Variants in WDR35 observed in about 807,000 individuals in gnomAD.
WDR35 encodes the protein WD repeat domain 35.
In WDR35, 118 loss-of-function variants were observed where a neutral mutation model predicts 158.3. That is an observed-to-expected ratio of 0.75 (90% confidence interval 0.64 to 0.87). WDR35 has a LOEUF of 0.87. WDR35 is among the 40% of genes least tolerant of loss of function. The probability of loss-of-function intolerance (pLI) is 0.00; values close to 1 mark genes in which losing one functional copy is unlikely to be tolerated. For missense variants in WDR35, 1,263 were observed against 1,405.8 expected, an observed-to-expected ratio of 0.90 and a Z score of 1.62; for synonymous variants, 448 against 476.1, an observed-to-expected ratio of 0.94 and a Z score of 0.77.
chr2:19,930,104 C>A (rs962966314), intron 25 of WDR35, among the ~76,000 whole-genome samples: 1 of 150,290 alleles, frequency 6.7e-6, no homozygotes, highest in Non-Finnish European at 1.5e-5. Flanking sequence ...ATATTTTTCT[C>A]CAAAAAATAT....
Position 19,912,837 on chromosome 2 carries a change from C to A in WDR35, c.*721G>T, listed in dbSNP as rs904739403. 4 of 152,170 alleles carry A rather than the reference C, an allele frequency of 2.6e-5. No homozygotes were observed. The highest frequency in any genetic ancestry group is 1.3e-4 in the Admixed American group (2 of 15,272). 9.4% of individuals were successfully genotyped at this position (152,170 alleles called of 1,614,324 possible). A position where few individuals can be genotyped will look rare whatever the true frequency, so the allele number is the denominator to read the frequency against. On this transcript the variant is annotated 3_prime_UTR_variant, in exon 27 of 27. Transcript: ENST00000281405. ...GTCCAACTTAGTGACAATGTTTCAA[C>A]AGAAGCTATAACTACAAAATGGATA...
In WDR35 at chr2:19,935,545, A is replaced by T; in HGVS notation, c.2473T>A (p.Tyr825Asn). The change falls in exon 21 of 27, where the codon TAC becomes AAC. Residue 825 changes from tyrosine (Y) to asparagine (N), a missense_variant. Physicochemically the swap from Tyr to Asn is moderately radical, Grantham distance 143. Coordinates refer to ENST00000281405, the MANE Select transcript of WDR35 (RefSeq NM_020779.4). ...CCTTCATAATCCTCTAACATATAGT[A>T]ACATTCAGCTAAGCGTTCCTGGTTC... ...GRNQERLAEC[Y>N]YMLEDYEGLE... The T allele has an allele frequency of 6.2e-7, 1 of 1,613,302 alleles. No homozygotes were observed. Among genetic ancestry groups the T allele is most frequent in the Non-Finnish European group, 8.5e-7 (1 of 1,179,630 alleles).
At chr2:19,931,660 G>C (rs1278807903) in intron 23 of WDR35, among the ~76,000 whole-genome samples, 2 of 152,212 alleles carry the variant, frequency 1.3e-5, no homozygotes, top group East Asian at 3.9e-4. Context: ...GAAAATGAGA[G>C]GTGCTGTTAG....
Position 19,960,579 on chromosome 2 carries a change from G to A in WDR35, c.1230C>T (p.Pro410=). 1 of 1,609,128 alleles carries A rather than the reference G, an allele frequency of 6.2e-7. No homozygotes were observed. The highest frequency in any genetic ancestry group is 2.2e-5 in the East Asian group (1 of 44,682). The change falls in exon 11 of 27, where the codon CCC becomes CCT. Residue 410 remains proline, a synonymous_variant. Coordinates refer to ENST00000281405, the MANE Select transcript of WDR35 (RefSeq NM_020779.4). ...CAATATCAATGTATTTGGGATCCAA[G>A]GGTGTACCAATAGAATTACAAAGAA... ...VLVLCNSIGT[P]LDPKYIDIVP... is the part of the protein sequence containing the mutation.
At chr2:19,956,702 G>A (rs1671449320) in intron 11 of WDR35, among the ~76,000 whole-genome samples, 1 of 147,300 alleles carries the variant, frequency 6.8e-6, no homozygotes, top group South Asian at 2.2e-4. Context: ...CTCACTGCAA[G>A]CTCCGCCTCC....
chr2:19,955,300 T>C (rs781659687), intron 11 of WDR35, among the ~76,000 whole-genome samples: 2 of 152,196 alleles, frequency 1.3e-5, no homozygotes, highest in Non-Finnish European at 2.9e-5. Flanking sequence ...CCCAAGTCCC[T>C]TCCTAAGGAA....
At chr2:19,980,863 C>G in intron 3 of WDR35, 80 bp from the exon 4 acceptor site, 1 of 1,272,516 alleles carries the variant, frequency 7.9e-7, no homozygotes, top group South Asian at 1.2e-5. Flanking sequence ...ACACCAAGAT[C>G]ATGTTAAAAT....
At chr2:19,964,322 T>C (rs527543426) in intron 10 of WDR35, among the ~76,000 whole-genome samples, 1 of 152,090 alleles carries the variant, frequency 6.6e-6, no homozygotes, top group African/African-American at 2.4e-5. Flanking sequence ...CTTACTGCCC[T>C]GTATTTTGTA....
intron 26 of WDR35, 130 bp downstream of exon 26, chr2:19,913,905 TAA>T (rs1669912193): frequency 2.1e-6 from 3 of 1,440,418 alleles, no homozygotes; most frequent in Non-Finnish European, 2.8e-6. Context: ...TAAAAATAAA[TAA>T]AATAGGGTAT....
intron 10 of WDR35, among the ~76,000 whole-genome samples, chr2:19,961,600 A>G (rs1671661334): frequency 6.6e-6 from 1 of 152,214 alleles, no homozygotes; most frequent in African/African-American, 2.4e-5. Flanking sequence ...TATGATCCTG[A>G]ATGCAAAGCA....
intron 11 of WDR35, among the ~76,000 whole-genome samples, chr2:19,955,456 TC>T (rs1434675360): frequency 6.6e-6 from 1 of 152,178 alleles, no homozygotes; most frequent in Non-Finnish European, 1.5e-5. Flanking sequence ...AAGTAGATAG[TC>T]TCATCAAATC....
intron 19 of WDR35, among the ~76,000 whole-genome samples, chr2:19,937,135 C>T (rs1282061917): frequency 6.6e-6 from 1 of 152,112 alleles, no homozygotes; most frequent in Non-Finnish European, 1.5e-5. Context: ...AGATGAGATA[C>T]AATCTTAACA....
At chr2:19,927,873 C>CT (rs1228496920) in intron 25 of WDR35, among the ~76,000 whole-genome samples, 1 of 152,170 alleles carries the variant, frequency 6.6e-6, no homozygotes, top group Non-Finnish European at 1.5e-5. Flanking sequence ...GATGATTGTG[C>CT]TTTTAATCTG....
chr2:19,914,867 A>G (rs925731551), intron 25 of WDR35, among the ~76,000 whole-genome samples: 59 of 151,316 alleles, frequency 3.9e-4, no homozygotes, highest in African/African-American at 1.2e-3. Flanking sequence ...AAGTTACAAC[A>G]TCTTATTTGC....
intron 2 of WDR35, among the ~76,000 whole-genome samples, chr2:19,985,810 T>C (rs923718441): frequency 1.4e-5 from 2 of 147,752 alleles, no homozygotes; most frequent in African/African-American, 2.5e-5. Flanking sequence ...GGCAGGAGAA[T>C]TGCTTGAACC....
At chr2:19,955,987 G>C (rs1006943649) in intron 11 of WDR35, among the ~76,000 whole-genome samples, 5 of 152,032 alleles carry the variant, frequency 3.3e-5, no homozygotes, top group Non-Finnish European at 7.4e-5. Flanking sequence ...CCTCTGGAGG[G>C]AGCTCAAAGC....
intron 16 of WDR35, among the ~76,000 whole-genome samples, chr2:19,942,695 A>G (rs538221882): frequency 3.2e-4 from 48 of 152,284 alleles, no homozygotes; most frequent in African/African-American, 1.1e-3. Context: ...AGTTTGAAAA[A>G]TAATCTGATT....
At chr2:19,944,777 G>A (rs528338260) in intron 16 of WDR35, among the ~76,000 whole-genome samples, 1 of 152,090 alleles carries the variant, frequency 6.6e-6, no homozygotes, top group Non-Finnish European at 1.5e-5. Context: ...TCCTGAGTAG[G>A]GCTCAAATGG....
At chr2:19,986,011 G>C (rs1421093560) in intron 2 of WDR35, among the ~76,000 whole-genome samples, 2 of 151,790 alleles carry the variant, frequency 1.3e-5, no homozygotes, top group African/African-American at 4.8e-5. Context: ...CAATAGACCA[G>C]GTGAGGGATG....
Sources: allele counts gnomAD v4.1 joint callset (sites outside exome capture counted in the v4.1 genomes callset), GRCh38; gene constraint gnomAD v4.1.1; transcripts MANE v1.5; gene names NCBI Gene and HGNC (gene_info 2026-07-23, HGNC 2026-07-21).